Variants in CDH12 observed in about 807,000 individuals in gnomAD.
CDH12 encodes the protein cadherin-12.
In CDH12, 41 loss-of-function variants were observed where a neutral mutation model predicts 74.1. That is an observed-to-expected ratio of 0.55 (90% CI 0.43 to 0.72). The LOEUF is 0.72. CDH12 is among the 30% of genes least tolerant of loss of function. The pLI, the probability that CDH12 is intolerant of heterozygous loss-of-function variation, is 0.00. For missense variants in CDH12, 945 were observed against 977.2 expected (o/e 0.97, Z 0.44); for synonymous variants, 399 against 355.0 (o/e 1.12, Z -1.39).
chr5:22,444,412 T>G (rs1744740151), intron 2 of CDH12, among the ~76,000 whole-genome samples: 1 of 152,138 alleles, frequency 6.6e-6, no homozygotes, highest in African/African-American at 2.4e-5. Flanking sequence ...TAAATATTTA[T>G]TACCTTCATC....
intron 1 of CDH12, among the ~76,000 whole-genome samples, chr5:22,719,869 G>A (rs901103313): frequency 6.6e-6 from 1 of 152,084 alleles, no homozygotes; most frequent in African/African-American, 2.4e-5. Flanking sequence ...TGTTAGAGTA[G>A]GCAGATAGCC....
chr5:22,354,075 G>A (rs1225200050), intron 3 of CDH12, among the ~76,000 whole-genome samples: 1 of 152,194 alleles, frequency 6.6e-6, no homozygotes. Context: ...TTCCTCTGAA[G>A]TGAATCTTAT....
intron 3 of CDH12, among the ~76,000 whole-genome samples, chr5:22,255,229 G>A (rs1200118016): frequency 6.6e-6 from 1 of 151,404 alleles, no homozygotes; most frequent in South Asian, 2.1e-4. Context: ...TTTTAATTGT[G>A]AAGACAAATA....
chr5:22,570,046 T>TATTG (rs1307827010), intron 1 of CDH12, among the ~76,000 whole-genome samples: 42 of 151,272 alleles, frequency 2.8e-4, no homozygotes, highest in Admixed American at 2.0e-4. Context: ...TTTATTTATT[T>TATTG]ATTTATTTAT....
intron 1 of CDH12, among the ~76,000 whole-genome samples, chr5:22,651,802 T>C (rs1204615514): frequency 6.6e-6 from 1 of 152,048 alleles, no homozygotes; most frequent in Non-Finnish European, 1.5e-5. Context: ...ATTGTACGCT[T>C]TTCAATGGTT....
intron 1 of CDH12, among the ~76,000 whole-genome samples, chr5:22,512,918 C>G (rs1736670730): frequency 6.6e-6 from 1 of 152,192 alleles, no homozygotes; most frequent in East Asian, 1.9e-4. Context: ...AAAAAGTTAG[C>G]TGGGTGTGGT....
At chr5:21,922,569 T>C (rs1017220330) in intron 6 of CDH12, among the ~76,000 whole-genome samples, 19 of 152,246 alleles carry the variant, frequency 1.2e-4, no homozygotes, top group Admixed American at 1.0e-3. Context: ...AGTGCTCAGG[T>C]AAAGGTAGAT....
Position 22,022,084 on chromosome 5 carries a change from G to A in CDH12, c.232-46699C>T, listed in dbSNP as rs539455828. 2.2e-3 allele frequency among the ~76,000 whole-genome samples: 331 copies of A among 152,156 alleles called. 4 individuals are homozygous for A. Among genetic ancestry groups the A allele is most frequent in the African/African-American group, 6.9e-3 (287 of 41,520 alleles). On this transcript the variant is annotated intron_variant, in intron 5 of 14. Transcript: ENST00000382254. Reference sequence around the variant, plus strand: ...ACTCCTAGCCTCAAGCAATCCTCCCGCCTCAGCTTTCCAAAGTGTTGGGAT... The same window carrying A: ...ACTCCTAGCCTCAAGCAATCCTCCCACCTCAGCTTTCCAAAGTGTTGGGAT...
chr5:22,279,785 A>T (rs1736796675), intron 3 of CDH12, among the ~76,000 whole-genome samples: 1 of 152,176 alleles, frequency 6.6e-6, no homozygotes, highest in East Asian at 1.9e-4. Flanking sequence ...ATTGTTGGAC[A>T]TTTGGGTTGG....
At chr5:22,441,600 A>G (rs1172904925) in intron 2 of CDH12, among the ~76,000 whole-genome samples, 2 of 152,070 alleles carry the variant, frequency 1.3e-5, no homozygotes, top group African/African-American at 2.4e-5. Context: ...ATTCCAACTC[A>G]ATGACTAGTA....
intron 3 of CDH12, among the ~76,000 whole-genome samples, chr5:22,334,256 CAAATA>C (rs1233371441): frequency 6.6e-6 from 1 of 151,108 alleles, no homozygotes; most frequent in Non-Finnish European, 1.5e-5. Flanking sequence ...ATGAAAGCCA[CAAATA>C]AAATTAAATA....
chr5:22,045,060 C>T (rs757877711), intron 5 of CDH12, among the ~76,000 whole-genome samples: 17 of 152,224 alleles, frequency 1.1e-4, no homozygotes, highest in South Asian at 4.1e-4. Context: ...CAAGAATATA[C>T]GAGAAACTCA....
intron 6 of CDH12, among the ~76,000 whole-genome samples, chr5:21,922,623 C>G (rs947457986): frequency 6.6e-6 from 1 of 152,068 alleles, no homozygotes. Context: ...CTACAAGGCT[C>G]ATACAGACAT....
At chr5:22,682,646 A>T (rs1022552020) in intron 1 of CDH12, among the ~76,000 whole-genome samples, 3 of 152,060 alleles carry the variant, frequency 2.0e-5, no homozygotes, top group Admixed American at 6.6e-5. Context: ...GTGGAATTAT[A>T]AGCAGTCCTC....
intron 9 of CDH12, among the ~76,000 whole-genome samples, chr5:21,803,184 G>A (rs993616650): frequency 5.3e-5 from 8 of 152,062 alleles, no homozygotes; most frequent in Non-Finnish European, 8.8e-5. Context: ...TATTGAAAAA[G>A]TGGTCCCATG....
intron 2 of CDH12, among the ~76,000 whole-genome samples, chr5:22,466,776 CTTTTTTTTTTTTTTTTT>C (rs70959733): frequency 3.9e-5 from 2 of 50,968 alleles, no homozygotes; most frequent in Admixed American, 6.8e-4. Context: ...CCTCAGGAAT[CTTTTTTTTTTTTTTTTT>C]TTTTTTTTTT....
At chr5:22,765,759 A>C (rs2127062828) in intron 1 of CDH12, among the ~76,000 whole-genome samples, 1 of 152,014 alleles carries the variant, frequency 6.6e-6, no homozygotes, top group East Asian at 1.9e-4. Context: ...AAATTTACAA[A>C]ATTTAGAAGC....
chr5:22,706,856 C>T (rs1208241049), intron 1 of CDH12, among the ~76,000 whole-genome samples: 2 of 152,062 alleles, frequency 1.3e-5, no homozygotes, highest in Non-Finnish European at 2.9e-5. Context: ...TCATAATATC[C>T]TTTTCTTTTT....
chr5:21,786,098 G>A (rs1324643965), intron 10 of CDH12, among the ~76,000 whole-genome samples: 1 of 152,146 alleles, frequency 6.6e-6, no homozygotes, highest in Non-Finnish European at 1.5e-5. Context: ...TCTGCCTGTT[G>A]TCTTACAAAT....
Sources: allele counts gnomAD v4.1 joint callset (sites outside exome capture counted in the v4.1 genomes callset), GRCh38; gene constraint gnomAD v4.1.1; transcripts MANE v1.5; gene names NCBI Gene and HGNC (gene_info 2026-07-23, HGNC 2026-07-21).